The following CFAP299 variants were observed in gnomAD, a reference collection of about 807,000 sequenced individuals.
The protein encoded by CFAP299 is cilia- and flagella-associated protein 299.
Under a neutral mutation model 27.0 loss-of-function variants are expected in CFAP299, and 21 were observed. The ratio of observed to expected loss-of-function variants is 0.78; its 90% CI spans 0.55 to 1.12. The LOEUF (loss-of-function observed/expected upper bound fraction) is 1.12, where lower values mean the gene tolerates loss of function less well. Among genes scored for constraint, CFAP299 ranks in the 50% most tolerant of loss-of-function variants. The pLI, the probability that CFAP299 is intolerant of heterozygous loss-of-function variation, is 0.00. For missense variants in CFAP299, 310 were observed against 276.6 expected, an observed-to-expected ratio of 1.12 and a Z score of -0.86; for synonymous variants, 104 against 98.1, an observed-to-expected ratio of 1.06 and a Z score of -0.36.
intron 2 of CFAP299, among the ~76,000 whole-genome samples, chr4:80,562,705 C>T (rs1035691454): frequency 6.7e-6 from 1 of 149,122 alleles, no homozygotes; most frequent in African/African-American, 2.5e-5. Flanking sequence ...ACAACAACAA[C>T]ATTGAATGTA....
intron 3 of CFAP299, among the ~76,000 whole-genome samples, chr4:80,861,917 C>T (rs1009315139): frequency 6.6e-6 from 1 of 151,906 alleles, no homozygotes; most frequent in African/African-American, 2.4e-5. Context: ...AAGTAAATTA[C>T]CAGTTCATAT....
intron 3 of CFAP299, among the ~76,000 whole-genome samples, chr4:80,866,059 T>TTTTATATATATATATATATATATATA (rs886156357): frequency 6.9e-5 from 4 of 58,382 alleles, no homozygotes; most frequent in Admixed American, 5.5e-4. Context: ...ACTTAAAGTA[T>TTTTATATATATATATATATATATATA]TATATATATA....
chr4:80,672,491 T>G (rs1167435801), intron 3 of CFAP299, among the ~76,000 whole-genome samples: 1 of 152,222 alleles, frequency 6.6e-6, no homozygotes, highest in Non-Finnish European at 1.5e-5. Context: ...TCTGTCAGGC[T>G]TTCATATCAG....
chr4:80,573,468 G>A (rs989562473), intron 2 of CFAP299, among the ~76,000 whole-genome samples: 1 of 152,000 alleles, frequency 6.6e-6, no homozygotes, highest in Admixed American at 6.6e-5. Flanking sequence ...TTGACTTGAT[G>A]TGATCCCATT....
the CFAP299 span, among the ~76,000 whole-genome samples, chr4:80,324,846 G>A: frequency 0.031 from 4,683 of 152,310 alleles, 251 homozygotes; most frequent in African/African-American, 0.11. Flanking sequence ...TCAGAGGCTG[G>A]GAGTGGTGGC....
At chr4:80,630,626 A>T (rs1470866350) in intron 3 of CFAP299, among the ~76,000 whole-genome samples, 1 of 152,116 alleles carries the variant, frequency 6.6e-6, no homozygotes, top group Non-Finnish European at 1.5e-5. Context: ...TCAAGGAAAG[A>T]CAAAGATATA....
In CFAP299 at chr4:80,432,530, T is replaced by C. The variant is rs531330397; in HGVS notation, c.242+69646T>C. ...TTTTCAGTTCACATGCAATTTACACTCTATTTTTTTTTTTTTTTTTGAGAC... is the reference window on the plus strand; with the variant it reads ...TTTTCAGTTCACATGCAATTTACACCCTATTTTTTTTTTTTTTTTTGAGAC... On this transcript the variant is annotated intron_variant, in intron 2 of 5. Coordinates refer to ENST00000358105, the MANE Select transcript of CFAP299 (RefSeq NM_152770.3). Among the ~76,000 whole-genome samples, 29 of 87,822 alleles carry C rather than the reference T, an allele frequency of 3.3e-4. No homozygotes were observed. In the South Asian group the frequency reaches 0.014, roughly 43 times the overall value. The allele number at this position is 87,822 out of a possible 152,430, so 57.6% of individuals were successfully genotyped here. A position where few individuals can be genotyped will look rare whatever the true frequency, so the allele number is the denominator to read the frequency against.
At chr4:80,649,634 A>G (rs1740191116) in intron 3 of CFAP299, among the ~76,000 whole-genome samples, 1 of 152,272 alleles carries the variant, frequency 6.6e-6, no homozygotes, top group Middle Eastern at 3.4e-3. Flanking sequence ...GCATCATTAG[A>G]TTGGTATCTT....
At chr4:80,808,826 A>G (rs1305139418) in intron 3 of CFAP299, among the ~76,000 whole-genome samples, 2 of 152,102 alleles carry the variant, frequency 1.3e-5, no homozygotes, top group Non-Finnish European at 2.9e-5. Context: ...TTTGTGGTTC[A>G]GTCTTAATGT....
chr4:80,726,254 T>A (rs1723153902), intron 3 of CFAP299, among the ~76,000 whole-genome samples: 1 of 152,160 alleles, frequency 6.6e-6, no homozygotes, highest in African/African-American at 2.4e-5. Context: ...CTTAAACTTT[T>A]TCTCTATGAC....
chr4:80,453,555 G>T (rs61027744), intron 2 of CFAP299, among the ~76,000 whole-genome samples: 15,018 of 151,512 alleles, frequency 0.099, 1,721 homozygotes, highest in African/African-American at 0.28. Context: ...AAAAATAATC[G>T]TGTGGCCTGG....
intron 2 of CFAP299, among the ~76,000 whole-genome samples, chr4:80,483,653 T>C (rs947605006): frequency 6.6e-6 from 1 of 152,108 alleles, no homozygotes; most frequent in African/African-American, 2.4e-5. Context: ...TAACAGCCAG[T>C]TCTAAAGGGT....
intron 3 of CFAP299, among the ~76,000 whole-genome samples, chr4:80,806,197 G>A (rs974805711): frequency 6.6e-6 from 1 of 152,104 alleles, no homozygotes; most frequent in Admixed American, 6.5e-5. Context: ...AGCAGACTAT[G>A]TTATCATTTG....
intron 2 of CFAP299, chr4:80,386,251 G>C: frequency 8.7e-7 from 1 of 1,150,908 alleles, no homozygotes; most frequent in South Asian, 1.4e-5. Flanking sequence ...CTGCAGCCCC[G>C]CCAGAGCCAG....
At chr4:80,386,795 G>A (rs1725033522) in intron 2 of CFAP299, 5 of 1,077,500 alleles carry the variant, frequency 4.6e-6, no homozygotes, top group African/African-American at 3.1e-5. Context: ...GCTTGTGTGC[G>A]TCGATAAAGG....
intron 3 of CFAP299, 123 bp from the exon 4 acceptor site, chr4:80,869,870 C>CT: frequency 1.1e-6 from 1 of 917,942 alleles, no homozygotes; most frequent in South Asian, 2.1e-5. Context: ...TATAACCACT[C>CT]TTTCAGAAGC....
At chr4:80,326,910 G>A in the CFAP299 span, among the ~76,000 whole-genome samples, 13 of 151,982 alleles carry the variant, frequency 8.6e-5, no homozygotes, top group East Asian at 3.9e-4. Context: ...AATTGTTTTC[G>A]TAATTTTATA....
chr4:80,942,160 A>G (rs1431131518), intron 4 of CFAP299, among the ~76,000 whole-genome samples: 1 of 152,196 alleles, frequency 6.6e-6, no homozygotes, highest in East Asian at 1.9e-4. Flanking sequence ...TGCAAGAGAG[A>G]CCATGGTTGT....
chr4:80,420,712 G>T (rs1270471758), intron 2 of CFAP299, among the ~76,000 whole-genome samples: 1 of 152,110 alleles, frequency 6.6e-6, no homozygotes, highest in Non-Finnish European at 1.5e-5. Context: ...CCAGTCTGGA[G>T]TTTGTCTGTT....
Sources: gnomAD v4.1 joint callset for allele counts (sites outside exome capture counted in the v4.1 genomes callset) on GRCh38, gnomAD v4.1.1 for gene constraint, MANE v1.5 for transcripts, NCBI Gene and HGNC (gene_info 2026-07-23, HGNC 2026-07-21) for gene names.